The following TUB variants were observed in gnomAD, a reference collection of about 807,000 sequenced individuals.
The protein encoded by TUB is tubby protein homolog.
TUB carries 33 observed loss-of-function variants against 59.7 expected under a neutral mutation model. That is an observed-to-expected ratio of 0.55 (90% CI 0.42 to 0.74). The LOEUF (loss-of-function observed/expected upper bound fraction) is 0.74, where lower values mean the gene tolerates loss of function less well. Ranked by LOEUF, TUB falls within the 30% of genes least tolerant of loss-of-function variation. The pLI, the probability that TUB is intolerant of heterozygous loss-of-function variation, is 0.00. For synonymous variants in TUB, 293 were observed against 256.4 expected (o/e 1.14, Z -1.36); for missense variants, 659 against 672.0 (o/e 0.98, Z 0.21).
upstream of TUB, among the ~76,000 whole-genome samples, chr11:8,037,485 C>T (rs1478040314): frequency 1.3e-5 from 2 of 152,188 alleles, no homozygotes; most frequent in Non-Finnish European, 2.9e-5. Context: ...CTCCAGCGTC[C>T]ATTTGGGGTG....
At position 8,101,030 on chromosome 11, in the gene TUB, G is replaced by A. The variant is rs368612773; in HGVS notation, c.1387+33G>A. 588 of 1,612,610 alleles carry A rather than the reference G, an allele frequency of 3.6e-4. 7 individuals carry two copies. In the South Asian group the frequency reaches 4.0e-3, roughly 11 times the overall value. ...TTTCTGTCCCTACTCATTATGGTCC[G>A]TAGGATACCCAAGGCCCTTAGCGTA... On this transcript the variant is annotated intron_variant, in intron 11 of 11. Transcript: ENST00000299506.
intron 2 of TUB, among the ~76,000 whole-genome samples, chr11:8,064,373 G>C (rs1161985085): frequency 6.6e-6 from 1 of 152,140 alleles, no homozygotes; most frequent in Non-Finnish European, 1.5e-5. Context: ...TTGTGGCTGT[G>C]GCCATAGGGA....
chr11:8,079,499 T>C (rs1309473002), upstream of TUB, among the ~76,000 whole-genome samples: 1 of 152,174 alleles, frequency 6.6e-6, no homozygotes, highest in Non-Finnish European at 1.5e-5. Context: ...AGGTGTTTTA[T>C]TTTGTCTGCT....
At chr11:8,071,343 G>T (rs1943356704) in intron 2 of TUB, among the ~76,000 whole-genome samples, 1 of 152,172 alleles carries the variant, frequency 6.6e-6, no homozygotes, top group Non-Finnish European at 1.5e-5. Context: ...TAAATTATCA[G>T]ATGGGGCCCA....
At position 8,070,153 on chromosome 11, in the gene TUB, A is replaced by G. The variant is rs4393360; in HGVS notation, c.204-19457A>G. On this transcript the variant is annotated intron_variant, in intron 2 of 12. Transcript: ENST00000305253. The stretch of plus-strand genomic sequence containing the variant: ...CAGGGAAGCATAAAAAAATCTCTGT[A>G]CATTATCAAGTTTCAGAATCCCCTT... 4.4e-3 allele frequency among the ~76,000 whole-genome samples: 667 copies of G among 152,352 alleles called. 1 individual carries two copies. Among genetic ancestry groups the G allele is most frequent in the Non-Finnish European group, 7.2e-3 (487 of 68,034 alleles).
At position 8,103,050 on chromosome 11, in the gene TUB, G is replaced by C. The variant is rs955578026; in HGVS notation, c.*1431G>C. 3 of 152,236 alleles carry C rather than the reference G, an allele frequency of 2.0e-5. No homozygotes were observed. Among genetic ancestry groups the C allele is most frequent in the African/African-American group, 4.8e-5 (2 of 41,450 alleles). 9.4% of individuals were successfully genotyped at this position (152,236 alleles called of 1,614,324 possible). ...TTGAAAGTTGTCTGGCTTTTTGCAC[G>C]TGAGTATGATCCAGGATTGGCCTGT... On this transcript the variant is annotated 3_prime_UTR_variant, in exon 12 of 12. Transcript: ENST00000299506.
upstream of TUB, chr11:8,035,581 A>T (rs1942634273): frequency 6.6e-6 from 1 of 152,270 alleles, no homozygotes; most frequent in African/African-American, 2.4e-5. Flanking sequence ...CAGGGTGCCC[A>T]TCCTTCATTC....
intron 1 of TUB, among the ~76,000 whole-genome samples, chr11:8,039,305 G>A (rs1942702807): frequency 1.3e-5 from 2 of 152,114 alleles, no homozygotes; most frequent in Admixed American, 1.3e-4. Flanking sequence ...AGCCTCCAGG[G>A]CTCCGGCAGC....
chr11:8,038,793 G>A (rs1942690021), exon 1 of TUB: 5 of 1,550,588 alleles, frequency 3.2e-6, no homozygotes, highest in Non-Finnish European at 4.3e-6. Context: ...GGCGAATACA[G>A]GGAATTTCAA....
intron 1 of TUB, among the ~76,000 whole-genome samples, chr11:8,026,673 GC>G (rs1421178111): frequency 2.6e-5 from 4 of 152,066 alleles, no homozygotes; most frequent in African/African-American, 9.7e-5. Context: ...TTGAAATCTG[GC>G]AGTTCAGGAC....
chr11:8,086,505 G>A (rs1943669147), intron 1 of TUB, among the ~76,000 whole-genome samples: 1 of 152,126 alleles, frequency 6.6e-6, no homozygotes, highest in African/African-American at 2.4e-5. Context: ...GGGATTCTTT[G>A]TTATTCACCA....
At chr11:8,025,382 A>T (rs1174794502) in intron 1 of TUB, among the ~76,000 whole-genome samples, 1 of 152,130 alleles carries the variant, frequency 6.6e-6, no homozygotes. Flanking sequence ...CATGGAAAGG[A>T]GCAGCAAGTG....
chr11:8,096,711 G>A lies in TUB; in HGVS notation c.592G>A (p.Glu198Lys), dbSNP rs143828440. 1.5e-5 allele frequency: 24 copies of A among 1,612,702 alleles called. No individual in the cohort carries two copies. The African/African-American group carries it at 2.0e-4, about 13-fold the overall frequency. ...KGISSSMSFDEDEEDEEENSS... is the reference protein window; with the variant it reads ...KGISSSMSFDKDEEDEEENSS... Reference sequence around the variant, plus strand: ...CATCTCCAGCAGCATGAGCTTTGACGAGGATGAGGAGGATGAGGAGGAGAA... The same window carrying A: ...CATCTCCAGCAGCATGAGCTTTGACAAGGATGAGGAGGATGAGGAGGAGAA... Residue 198 changes from glutamate (E) to lysine (K), a missense_variant, in exon 6 of 12, where the codon GAG (glutamate) becomes AAG (lysine). Physicochemically the swap from Glu to Lys is moderately conservative, Grantham distance 56. Coordinates refer to ENST00000299506, the MANE Select transcript of TUB (RefSeq NM_177972.3).
chr11:8,099,195 C>G (rs1014897417), intron 9 of TUB, among the ~76,000 whole-genome samples: 1 of 152,100 alleles, frequency 6.6e-6, no homozygotes, highest in Non-Finnish European at 1.5e-5. Context: ...CCAGATCATC[C>G]CTCTGGCATG....
chr11:8,029,847 G>C (rs1942546225), intron 1 of TUB, among the ~76,000 whole-genome samples: 1 of 152,218 alleles, frequency 6.6e-6, no homozygotes, highest in Non-Finnish European at 1.5e-5. Context: ...TTGCTGGCCA[G>C]AGGAGTCGGG....
At chr11:8,021,718 C>G (rs1942430161) in intron 1 of TUB, among the ~76,000 whole-genome samples, 1 of 151,622 alleles carries the variant, frequency 6.6e-6, no homozygotes, top group Non-Finnish European at 1.5e-5. Context: ...GATCGAGATC[C>G]TCCTGGCTAA....
At position 8,100,449 on chromosome 11, in the gene TUB, C is replaced by T. The variant is rs973802423; in HGVS notation, c.1117-54C>T. 55 of 1,427,048 alleles carry T rather than the reference C, an allele frequency of 3.9e-5. No individual in the cohort carries two copies. In the African/African-American group the frequency reaches 6.6e-4, roughly 17 times the overall value. 88.4% of individuals were successfully genotyped at this position (1,427,048 alleles called of 1,614,324 possible). On this transcript the variant is annotated intron_variant, in intron 9 of 11. Coordinates refer to ENST00000299506, the MANE Select transcript of TUB (RefSeq NM_177972.3). ...TCTTTATTCCCGTCCCCCCCACCTT[C>T]TCCAGTAGGTAAATAGACGCCTCAG...
chr11:8,023,306 C>G (rs935038862), intron 1 of TUB, among the ~76,000 whole-genome samples: 8 of 152,214 alleles, frequency 5.3e-5, no homozygotes, highest in Admixed American at 2.6e-4. Context: ...GGAAACAGGC[C>G]TTACCTCTTG....
chr11:8,043,603 A>G (rs564438731), intron 2 of TUB, among the ~76,000 whole-genome samples: 1 of 152,284 alleles, frequency 6.6e-6, no homozygotes, highest in Non-Finnish European at 1.5e-5. Flanking sequence ...AATTTCTTTC[A>G]AAGAAGTTTA....
Sources: allele counts gnomAD v4.1 joint callset (sites outside exome capture counted in the v4.1 genomes callset), GRCh38; gene constraint gnomAD v4.1.1; transcripts MANE v1.5; gene names NCBI Gene and HGNC (gene_info 2026-07-23, HGNC 2026-07-21).